The following FRAS1 variants were observed in gnomAD, a reference collection of about 807,000 sequenced individuals.
FRAS1 encodes extracellular matrix organizing protein FRAS1.
Under a neutral mutation model 435.2 loss-of-function variants are expected in FRAS1, and 290 were observed. That is an observed-to-expected ratio of 0.67 (90% CI 0.61 to 0.73). The LOEUF is 0.73. Ranked by LOEUF, FRAS1 falls within the 30% of genes least tolerant of loss-of-function variation. FRAS1 has a pLI of 0.00. For missense variants in FRAS1, 4,860 were observed against 5,001.5 expected, an observed-to-expected ratio of 0.97 and a Z score of 0.85; for synonymous variants, 1,800 against 1,851.0, an observed-to-expected ratio of 0.97 and a Z score of 0.71.
At chr4:78,295,963 G>A (rs1417090209) in intron 14 of FRAS1, among the ~76,000 whole-genome samples, 4 of 151,816 alleles carry the variant, frequency 2.6e-5, no homozygotes, top group African/African-American at 9.7e-5. Flanking sequence ...ATGTTGGCCA[G>A]GCTGGTCTTG....
At chr4:78,195,608 A>G (rs1461070872) in intron 2 of FRAS1, among the ~76,000 whole-genome samples, 9 of 152,152 alleles carry the variant, frequency 5.9e-5, no homozygotes, top group Admixed American at 1.3e-4. Flanking sequence ...GCCATTTGCT[A>G]TGATCCTTGG....
chr4:78,316,446 C>T (rs1187323904), intron 16 of FRAS1, among the ~76,000 whole-genome samples: 1 of 152,130 alleles, frequency 6.6e-6, no homozygotes, highest in Non-Finnish European at 1.5e-5. Flanking sequence ...AGCAGCCTCC[C>T]CTTTGCCTGC....
intron 2 of FRAS1, among the ~76,000 whole-genome samples, chr4:78,081,598 G>C (rs1740900517): frequency 6.6e-6 from 1 of 152,108 alleles, no homozygotes; most frequent in Non-Finnish European, 1.5e-5. Context: ...GACTTTCTGA[G>C]AAACCTGGGC....
chr4:78,299,098 C>A lies in FRAS1; in HGVS notation c.1535-8968C>A, dbSNP rs545044135. On this transcript the variant is annotated intron_variant, in intron 14 of 73. Coordinates refer to ENST00000512123, the MANE Select transcript of FRAS1 (RefSeq NM_025074.7). ...AGGAAGGAGCCAGCGACGTTGTGGGCTGGGCGAATCCTGTGTGGGGCATCA... is the reference window on the plus strand; with the variant it reads ...AGGAAGGAGCCAGCGACGTTGTGGGATGGGCGAATCCTGTGTGGGGCATCA... Among the ~76,000 whole-genome samples, 47 of 152,282 alleles carry A rather than the reference C, an allele frequency of 3.1e-4. No individual in the cohort carries two copies. In the South Asian group the frequency reaches 8.1e-3, roughly 26 times the overall value.
At chr4:78,385,921 T>C (rs1732202703) in intron 28 of FRAS1, among the ~76,000 whole-genome samples, 1 of 151,830 alleles carries the variant, frequency 6.6e-6, no homozygotes, top group Non-Finnish European at 1.5e-5. Context: ...GTGATCTCTG[T>C]AAATTTAGGA....
chr4:78,261,115 G>T (rs1331765363), intron 6 of FRAS1, among the ~76,000 whole-genome samples: 1 of 151,158 alleles, frequency 6.6e-6, no homozygotes, highest in Admixed American at 6.6e-5. Context: ...CCTCTGCATG[G>T]CGAGATTTTC....
chr4:78,408,578 G>A (rs1733193890), intron 31 of FRAS1, among the ~76,000 whole-genome samples: 1 of 152,278 alleles, frequency 6.6e-6, no homozygotes, highest in East Asian at 1.9e-4. Flanking sequence ...AACTCAACAT[G>A]TTTAGGTGTC....
chr4:78,378,120 G>C (rs560677004), intron 26 of FRAS1, among the ~76,000 whole-genome samples: 2 of 152,128 alleles, frequency 1.3e-5, no homozygotes, highest in East Asian at 3.9e-4. Context: ...ATCTCCTTCT[G>C]TCTCTAGGTA....
At chr4:78,400,630 T>C in intron 29 of FRAS1, 104 bp from the exon 30 acceptor site, 2 of 1,133,048 alleles carry the variant, frequency 1.8e-6, no homozygotes, top group Non-Finnish European at 2.5e-6. Context: ...CTCTGTCTTA[T>C]TAGACGATCT....
At position 78,286,559 on chromosome 4, in the gene FRAS1, C is replaced by A. The variant is rs1727616867; in HGVS notation, c.1534+20C>A. ...GTGCAGGTAATCTCTGGCTGGGCCA[C>A]AGTTGGGCCAGCTACCAAGACAGCT... On this transcript the variant is annotated intron_variant, in intron 14 of 73. Coordinates refer to ENST00000512123, the MANE Select transcript of FRAS1 (RefSeq NM_025074.7). 6.2e-7 allele frequency: 1 copy of A among 1,607,734 alleles called. No individual in the cohort carries two copies. Among genetic ancestry groups the A allele is most frequent in the Non-Finnish European group, 8.5e-7 (1 of 1,177,758 alleles).
intron 3 of FRAS1, among the ~76,000 whole-genome samples, chr4:78,239,111 A>G (rs1291580685): frequency 6.6e-6 from 1 of 152,166 alleles, no homozygotes. Flanking sequence ...GTGACTCTCA[A>G]AAGCTAAATA....
rs375885501 is a variant in FRAS1, at chr4:78,499,768, G to T, written c.9163G>T (p.Ala3055Ser). The change falls in exon 61 of 74, where the codon GCA (alanine) becomes TCA (serine). Residue 3055 changes from alanine (A) to serine (S), a missense_variant. Physicochemically the swap from Ala to Ser is moderately conservative, Grantham distance 99. Coordinates refer to ENST00000512123, the MANE Select transcript of FRAS1 (RefSeq NM_025074.7). The part of the protein sequence containing the change: ...EEAAYQVREP[A>S]GPDAIAILNI... ...AGCTGCATACCAAGTCCGGGAACCC[G>T]CAGGCCCAGATGCCATTGCGATTCT... 8.7e-6 allele frequency: 14 copies of T among 1,613,880 alleles called. No individual in the cohort carries two copies. Among genetic ancestry groups the T allele is most frequent in the Non-Finnish European group, 1.2e-5 (14 of 1,179,812 alleles).
intron 34 of FRAS1, among the ~76,000 whole-genome samples, chr4:78,423,682 T>A (rs888831302): frequency 6.6e-6 from 1 of 152,224 alleles, no homozygotes; most frequent in Non-Finnish European, 1.5e-5. Flanking sequence ...AGTTAACTCC[T>A]CAATTAGATT....
chr4:78,261,510 C>T (rs1022984795), intron 6 of FRAS1, among the ~76,000 whole-genome samples: 1 of 152,050 alleles, frequency 6.6e-6, no homozygotes, highest in African/African-American at 2.4e-5. Context: ...TTGACCTTCC[C>T]CCTGCGCTTC....
In FRAS1 at chr4:78,516,030, T is replaced by G. The variant is rs182591793; in HGVS notation, c.10389+17T>G. ...GACTTCCAGGTAGGTGCCCCGGGGCTTGTCTGAGGACTCTGCATATGGGTG... is the reference window on the plus strand; with the variant it reads ...GACTTCCAGGTAGGTGCCCCGGGGCGTGTCTGAGGACTCTGCATATGGGTG... On this transcript the variant is annotated intron_variant, in intron 66 of 73. Transcript: ENST00000512123. 7.0e-5 allele frequency: 112 copies of G among 1,597,846 alleles called. No individual in the cohort carries two copies. Among genetic ancestry groups the G allele is most frequent in the Admixed American group, 4.3e-4 (25 of 58,384 alleles).
intron 50 of FRAS1, among the ~76,000 whole-genome samples, chr4:78,468,752 G>A (rs1309594389): frequency 6.6e-6 from 1 of 152,176 alleles, no homozygotes; most frequent in Non-Finnish European, 1.5e-5. Context: ...GGTGAAAGGT[G>A]GGCCTGGGGG....
intron 56 of FRAS1, 58 bp downstream of exon 56, chr4:78,479,776 G>GT (rs1719956656): frequency 7.6e-7 from 1 of 1,324,294 alleles, no homozygotes; most frequent in Non-Finnish European, 1.0e-6. Flanking sequence ...TTCTTGAGCA[G>GT]TTTTCTCCTT....
chr4:78,375,913 T>C (rs1731741714), intron 26 of FRAS1, 34 bp downstream of exon 26: 17 of 1,610,566 alleles, frequency 1.1e-5, no homozygotes, highest in Non-Finnish European at 1.4e-5. Context: ...CTGGTGAATT[T>C]ACCAATAATT....
Position 78,479,720 on chromosome 4 carries a change from T to A in FRAS1, c.8443+2T>A. The A allele has an allele frequency of 6.4e-7, 1 of 1,561,346 alleles. No individual in the cohort carries two copies. The highest frequency in any genetic ancestry group is 8.7e-7 in the Non-Finnish European group (1 of 1,149,446). On this transcript the variant is annotated splice_donor_variant, in intron 56 of 73. Transcript: ENST00000512123. LOFTEE classifies it high-confidence loss of function. ...CTTTCACTGTCAGTGAGGACGCAGG[T>A]AATGGAGAGTGTCTCTGAGTTTCCT... is the stretch of plus-strand genomic sequence containing the variant.
Sources: allele counts gnomAD v4.1 joint callset (sites outside exome capture counted in the v4.1 genomes callset), GRCh38; gene constraint gnomAD v4.1.1; transcripts MANE v1.5; gene names NCBI Gene and HGNC (gene_info 2026-07-23, HGNC 2026-07-21).